Variants in KIF25 observed in about 807,000 individuals in gnomAD.
The protein encoded by KIF25 is kinesin family member 25.
In KIF25, 19 loss-of-function variants were observed where a neutral mutation model predicts 32.9. The ratio of observed to expected loss-of-function variants is 0.58; its 90% CI spans 0.40 to 0.85. The LOEUF (loss-of-function observed/expected upper bound fraction) is 0.85, where lower values mean the gene tolerates loss of function less well. KIF25 is among the 40% of genes least tolerant of loss of function. The pLI, the probability that KIF25 is intolerant of heterozygous loss-of-function variation, is 0.00. For missense variants in KIF25, 485 were observed against 507.0 expected (o/e 0.96, Z 0.42); for synonymous variants, 225 against 213.7 (o/e 1.05, Z -0.46).
chr6:168,013,584 G>A (rs1798677216), intron 4 of KIF25, among the ~76,000 whole-genome samples: 1 of 152,138 alleles, frequency 6.6e-6, no homozygotes, highest in Non-Finnish European at 1.5e-5. Context: ...CTAATCTGGG[G>A]CCATGGAGCT....
intron 4 of KIF25, among the ~76,000 whole-genome samples, chr6:168,016,337 G>C (rs1258980449): frequency 6.6e-6 from 1 of 152,228 alleles, no homozygotes; most frequent in African/African-American, 2.4e-5. Flanking sequence ...ACTCAGCAGA[G>C]ACATAAGCTT....
chr6:168,010,409 C>A (rs908907825), intron 4 of KIF25, among the ~76,000 whole-genome samples: 1 of 152,014 alleles, frequency 6.6e-6, no homozygotes, highest in Non-Finnish European at 1.5e-5. Context: ...GCATGTTGCT[C>A]GATTTCCATG....
intron 4 of KIF25, among the ~76,000 whole-genome samples, chr6:168,014,347 G>T (rs997476701): frequency 6.6e-6 from 1 of 152,088 alleles, no homozygotes; most frequent in Admixed American, 6.5e-5. Flanking sequence ...CATTCTCTTG[G>T]CAGTCCTCTC....
chr6:168,004,841 G>C (rs1245366196), intron 4 of KIF25, among the ~76,000 whole-genome samples: 1 of 152,196 alleles, frequency 6.6e-6, no homozygotes, highest in East Asian at 1.9e-4. Context: ...TCCCGAGGTG[G>C]TGCAGCAGGT....
intron 12 of KIF25, among the ~76,000 whole-genome samples, 164 bp from the exon 13 acceptor site, chr6:168,044,663 C>A (rs931297217): frequency 6.6e-6 from 1 of 152,258 alleles, no homozygotes; most frequent in African/African-American, 2.4e-5. Context: ...TGCTGACCCT[C>A]CTGGACCCCC....
intron 8 of KIF25, among the ~76,000 whole-genome samples, chr6:168,036,455 C>T (rs1799027512): frequency 6.6e-6 from 1 of 152,248 alleles, no homozygotes; most frequent in Non-Finnish European, 1.5e-5. Context: ...ATTGGAATCA[C>T]ACTGTTCATT....
chr6:168,006,321 C>T (rs987596984), intron 4 of KIF25, among the ~76,000 whole-genome samples: 5 of 151,828 alleles, frequency 3.3e-5, no homozygotes, highest in African/African-American at 4.8e-5. Context: ...GGATTGTAGG[C>T]GTGAGCCACC....
chr6:168,030,677 G>A, intron 6 of KIF25, 96 bp from the exon 7 acceptor site: 1 of 815,160 alleles, frequency 1.2e-6, no homozygotes, highest in Non-Finnish European at 2.0e-6. Flanking sequence ...GGGATGGGAA[G>A]TACACGGGGC....
chr6:168,020,252 A>G (rs1174814116), intron 5 of KIF25, among the ~76,000 whole-genome samples: 1 of 152,202 alleles, frequency 6.6e-6, no homozygotes, highest in African/African-American at 2.4e-5. Flanking sequence ...CCACAGAGCA[A>G]TGCAAATCAA....
intron 4 of KIF25, 117 bp downstream of exon 4, chr6:168,003,820 A>G (rs1245606922): frequency 6.6e-6 from 1 of 152,142 alleles, no homozygotes; most frequent in African/African-American, 2.4e-5. Context: ...TTGTTCCTTG[A>G]TTTCTATTGG....
In KIF25 at chr6:168,040,105, G is replaced by A; in HGVS notation, c.535G>A (p.Gly179Arg). 3 of 1,613,978 alleles carry A rather than the reference G, an allele frequency of 1.9e-6. No individual in the cohort carries two copies. Among genetic ancestry groups the A allele is most frequent in the Non-Finnish European group, 2.5e-6 (3 of 1,179,956 alleles). The change falls in exon 10 of 13, where the codon GGA (glycine) becomes AGA (arginine). Residue 179 changes from glycine to arginine, a missense_variant. By Grantham distance (125) the Gly-to-Arg change is moderately radical (BLOSUM62 -2). Around this residue, in one of 2 missense-constraint regions of KIF25, gnomAD observed 480 missense variants for 470.3 expected, o/e 1.02. Transcript: ENST00000643607. ...CTCGAAACTGATGGAGCTCGTTCAT[G>A]GAGGTCTGCAGCTCAGGGCGAAGCA... ...SASKLMELVH[G>R]GLQLRAKHPT... is the part of the protein sequence containing the mutation.
chr6:168,007,109 CAT>C (rs1351874074), intron 4 of KIF25, among the ~76,000 whole-genome samples: 4 of 152,164 alleles, frequency 2.6e-5, no homozygotes, highest in Non-Finnish European at 5.9e-5. Flanking sequence ...TTGGATGACA[CAT>C]GTGGTAATCA....
intron 12 of KIF25, 61 bp downstream of exon 12, chr6:168,042,777 A>G: frequency 1.3e-6 from 2 of 1,549,930 alleles, no homozygotes; most frequent in African/African-American, 1.4e-5. Context: ...ACATGTGCAC[A>G]CACTTCTGGC....
chr6:168,027,558 G>A (rs1798880096), intron 5 of KIF25, among the ~76,000 whole-genome samples: 1 of 151,904 alleles, frequency 6.6e-6, no homozygotes, highest in Non-Finnish European at 1.5e-5. Flanking sequence ...GAATGAGAAT[G>A]ACAGGGTCCA....
rs771464160 is a variant in KIF25 at position 168,038,654 on chromosome 6, C to A, written c.419C>A (p.Ala140Glu). 8 of 1,614,062 alleles carry A rather than the reference C, an allele frequency of 5.0e-6. No individual in the cohort carries two copies. In the Admixed American group the frequency reaches 8.3e-5, roughly 17 times the overall value. Residue 140 changes from alanine (A) to glutamate (E), a missense_variant, in exon 9 of 13, where the codon GCA (alanine) becomes GAA (glutamate). This residue lies in a region of KIF25 where 480 missense variants were observed against 470.3 expected (regional missense o/e 1.02). Transcript: ENST00000643607. ...IFDLLAKDSI[A>E]AVSGVKREVV... ...GACCTTCTGGCCAAAGACAGCATTG[C>A]AGCAGTGTCGGGGGTCAAGCGTGAG...
At position 168,044,972 on chromosome 6, in the gene KIF25, G is replaced by A. The variant is rs768376750; in HGVS notation, c.1131G>A (p.Thr377=). ...PARKKPPSSQ[T]EGKRRPD ...GAAAGAAGCCGCCCAGCTCCCAAAC[G>A]GAGGGGAAGAGGAGGCCGGATTGAA... is the stretch of plus-strand genomic sequence containing the variant. Residue 377 remains threonine (T), a synonymous_variant, in exon 13 of 13, where the codon ACG becomes ACA. Coordinates refer to ENST00000643607, the MANE Select transcript of KIF25 (RefSeq NM_030615.4). 21 of 1,604,208 alleles carry A rather than the reference G, an allele frequency of 1.3e-5. No homozygotes were observed. The highest frequency in any genetic ancestry group is 2.7e-5 in the African/African-American group (2 of 74,550).
intron 5 of KIF25, among the ~76,000 whole-genome samples, chr6:168,021,870 G>A (rs1165085758): frequency 6.6e-6 from 1 of 152,220 alleles, no homozygotes; most frequent in African/African-American, 2.4e-5. Flanking sequence ...GGATCTCAGA[G>A]CATGGGTAAA....
chr6:168,000,828 T>C (rs1015124695), intron 2 of KIF25, among the ~76,000 whole-genome samples: 2 of 152,146 alleles, frequency 1.3e-5, no homozygotes, highest in African/African-American at 4.8e-5. Context: ...CTCAGGCTGT[T>C]TTTCTGGTCT....
At chr6:168,010,557 T>C (rs1451795736) in intron 4 of KIF25, among the ~76,000 whole-genome samples, 3 of 152,184 alleles carry the variant, frequency 2.0e-5, no homozygotes, top group Non-Finnish European at 4.4e-5. Context: ...TGGTCAATCC[T>C]GAAGAATGTT....
Sources: gnomAD v4.1 joint callset for allele counts (sites outside exome capture counted in the v4.1 genomes callset) on GRCh38, gnomAD v4.1.1 for gene constraint, gnomAD v4.1.1 regional missense constraint, MANE v1.5 for transcripts, NCBI Gene and HGNC (gene_info 2026-07-23, HGNC 2026-07-21) for gene names.